The following ARHGAP20 variants were observed in gnomAD, a reference collection of about 807,000 sequenced individuals.
ARHGAP20 encodes the protein Rho GTPase activating protein 20, also known as rho GTPase-activating protein 20.
Under a neutral mutation model 73.7 loss-of-function variants are expected in ARHGAP20, and 34 were observed. That is an observed-to-expected ratio of 0.46 (90% CI 0.35 to 0.61). The LOEUF (loss-of-function observed/expected upper bound fraction) is 0.61, where lower values mean the gene tolerates loss of function less well. Ranked by LOEUF, ARHGAP20 falls within the 20% of genes least tolerant of loss-of-function variation. The pLI is 0.00. For missense variants in ARHGAP20, 1,314 were observed against 1,420.9 expected (o/e 0.92, Z 1.21); for synonymous variants, 523 against 518.2 (o/e 1.01, Z -0.13).
At chr11:110,706,119 T>C (rs180933140) in intron 1 of ARHGAP20, among the ~76,000 whole-genome samples, 2 of 152,266 alleles carry the variant, frequency 1.3e-5, no homozygotes, top group Admixed American at 1.3e-4. Flanking sequence ...AAAGAATGTA[T>C]ACTCTTTTTT....
intron 1 of ARHGAP20, among the ~76,000 whole-genome samples, chr11:110,700,108 C>T (rs985166210): frequency 2.6e-5 from 4 of 151,974 alleles, no homozygotes; most frequent in African/African-American, 9.7e-5. Context: ...TGAATCTGCT[C>T]ATTATTAGTT....
chr11:110,703,448 A>G (rs536387794), intron 1 of ARHGAP20, among the ~76,000 whole-genome samples: 1 of 151,574 alleles, frequency 6.6e-6, no homozygotes, highest in South Asian at 2.1e-4. Flanking sequence ...TACCTGCCCT[A>G]CTCACTATAT....
At chr11:110,702,682 G>A (rs1157805551) in intron 1 of ARHGAP20, among the ~76,000 whole-genome samples, 2 of 152,066 alleles carry the variant, frequency 1.3e-5, no homozygotes, top group African/African-American at 4.8e-5. Flanking sequence ...AGCAACTTCA[G>A]CAGTCTCAGG....
Position 110,578,353 on chromosome 11 carries a change from A to T in ARHGAP20, c.*1017T>A, listed in dbSNP as rs1947342270. On this transcript the variant is annotated 3_prime_UTR_variant, in exon 15 of 15. Coordinates refer to ENST00000683387, the MANE Select transcript of ARHGAP20 (RefSeq NM_001384657.1). ...ATATTGCTCTCTCAATTGCCAAACT[A>T]CAAAAATCAGAAAAGGGATGATTTA... 2.0e-6 allele frequency: 2 copies of T among 985,444 alleles called. No individual in the cohort carries two copies. The highest frequency in any genetic ancestry group is 9.4e-5 in the South Asian group (2 of 21,284). 61.0% of individuals were successfully genotyped at this position (985,444 alleles called of 1,614,324 possible).
At chr11:110,588,837 C>T (rs1344581896) in intron 11 of ARHGAP20, among the ~76,000 whole-genome samples, 3 of 151,912 alleles carry the variant, frequency 2.0e-5, no homozygotes, top group Admixed American at 6.6e-5. Context: ...CTTGGGAGGC[C>T]GAGGCGGGCG....
intron 9 of ARHGAP20, among the ~76,000 whole-genome samples, chr11:110,601,721 T>C (rs930282419): frequency 6.6e-6 from 1 of 152,190 alleles, no homozygotes; most frequent in Admixed American, 6.5e-5. Flanking sequence ...TGGTGGTTCA[T>C]GCCTGTAATC....
chr11:110,602,804 G>A (rs1426684127), intron 9 of ARHGAP20, among the ~76,000 whole-genome samples: 1 of 152,206 alleles, frequency 6.6e-6, no homozygotes, highest in East Asian at 1.9e-4. Context: ...CCACTAAGTT[G>A]TTTAGTCAAG....
At chr11:110,589,883 G>A (rs1947777292) in intron 11 of ARHGAP20, among the ~76,000 whole-genome samples, 1 of 152,206 alleles carries the variant, frequency 6.6e-6, no homozygotes. Context: ...CTCTCTGGGA[G>A]GCTGACGCAG....
chr11:110,623,284 A>G (rs1361460858), intron 4 of ARHGAP20, among the ~76,000 whole-genome samples: 1 of 152,222 alleles, frequency 6.6e-6, no homozygotes, highest in Non-Finnish European at 1.5e-5. Flanking sequence ...AAGCAGAATA[A>G]AAAGCATCAT....
chr11:110,643,763 C>T (rs898352628), intron 2 of ARHGAP20, among the ~76,000 whole-genome samples: 1 of 151,926 alleles, frequency 6.6e-6, no homozygotes, highest in Non-Finnish European at 1.5e-5. Flanking sequence ...CTGTGGGTGT[C>T]TATTAGGTCT....
In ARHGAP20 at chr11:110,582,437, T is replaced by C; in HGVS notation, c.1606-2A>G. ...CAGAAATTGTATAAGCAGGGAAACC[T>C]GTAAGAAAAAGGACAAACGAAGTAT... On this transcript the variant is annotated splice_acceptor_variant, in intron 13 of 14. Coordinates refer to ENST00000683387, the MANE Select transcript of ARHGAP20 (RefSeq NM_001384657.1). LOFTEE classifies it high-confidence loss of function. 1 of 1,582,560 alleles carries C rather than the reference T, an allele frequency of 6.3e-7. No homozygotes were observed. The highest frequency in any genetic ancestry group is 1.1e-5 in the South Asian group (1 of 89,648).
At chr11:110,584,366 A>G (rs954450455) in intron 12 of ARHGAP20, among the ~76,000 whole-genome samples, 1 of 113,564 alleles carries the variant, frequency 8.8e-6, no homozygotes, top group African/African-American at 3.4e-5. Flanking sequence ...ATCAGTCAGC[A>G]AAAATGACTA....
At chr11:110,659,723 C>A (rs527455128) in intron 2 of ARHGAP20, among the ~76,000 whole-genome samples, 11 of 152,064 alleles carry the variant, frequency 7.2e-5, no homozygotes, top group Middle Eastern at 3.4e-3. Flanking sequence ...ACTACGCAGC[C>A]ATAAAAAATG....
chr11:110,615,374 G>A (rs1948460412), intron 5 of ARHGAP20, among the ~76,000 whole-genome samples, 179 bp downstream of exon 5: 1 of 152,146 alleles, frequency 6.6e-6, no homozygotes, highest in East Asian at 1.9e-4. Flanking sequence ...TATAATGAGA[G>A]AACATTATTT....
At chr11:110,706,227 T>C (rs1274313657) in intron 1 of ARHGAP20, among the ~76,000 whole-genome samples, 1 of 152,142 alleles carries the variant, frequency 6.6e-6, no homozygotes, top group East Asian at 1.9e-4. Flanking sequence ...CAATAACAAA[T>C]GCAGTGATAG....
chr11:110,596,144 C>T (rs1947953374), intron 9 of ARHGAP20, among the ~76,000 whole-genome samples: 1 of 152,068 alleles, frequency 6.6e-6, no homozygotes, highest in African/African-American at 2.4e-5. Context: ...AAAATTAATT[C>T]AAGATGGATT....
At chr11:110,690,924 C>G in intron 1 of ARHGAP20, 2 of 1,285,568 alleles carry the variant, frequency 1.6e-6, no homozygotes, top group Non-Finnish European at 1.1e-6. Flanking sequence ...ACCATTATTA[C>G]TGGTTATCAT....
At chr11:110,581,408 T>G (rs1050304391) in intron 14 of ARHGAP20, among the ~76,000 whole-genome samples, 183 bp from the exon 15 acceptor site, 1 of 152,218 alleles carries the variant, frequency 6.6e-6, no homozygotes, top group Non-Finnish European at 1.5e-5. Context: ...TATAGGAGAT[T>G]TATCTCAGTT....
Position 110,622,891 on chromosome 11 carries a change from A to AATAAT in ARHGAP20, c.503+1266_503+1270dup, listed in dbSNP as rs775754679. Among the ~76,000 whole-genome samples, 32 of 152,198 alleles carry AATAAT rather than the reference A, an allele frequency of 2.1e-4. 1 individual carries two copies. Among genetic ancestry groups the AATAAT allele is most frequent in the Non-Finnish European group, 1.5e-4 (10 of 68,034 alleles). On this transcript the variant is annotated intron_variant, in intron 4 of 14. Coordinates refer to ENST00000683387, the MANE Select transcript of ARHGAP20 (RefSeq NM_001384657.1). ...CATTTGGTTAAAGAACCATAGTTTA[A>AATAAT]ATAATATAATATAGGTAAAACTTCT...
Sources: gnomAD v4.1 joint callset for allele counts (sites outside exome capture counted in the v4.1 genomes callset) on GRCh38, gnomAD v4.1.1 for gene constraint, MANE v1.5 for transcripts, NCBI Gene and HGNC (gene_info 2026-07-23, HGNC 2026-07-21) for gene names.